Variants in RBFOX1 observed in about 807,000 individuals in gnomAD.
The protein encoded by RBFOX1 is RNA binding fox-1 homolog 1.
Under a neutral mutation model 57.7 loss-of-function variants are expected in RBFOX1, and 8 were observed. That is an observed-to-expected ratio of 0.14 (90% CI 0.08 to 0.25). The LOEUF (loss-of-function observed/expected upper bound fraction) is 0.25. Among genes scored for constraint, RBFOX1 ranks in the 10% least tolerant of loss-of-function variants. The pLI is 1.00. For missense variants in RBFOX1, 611 were observed against 548.5 expected (o/e 1.11, Z -1.14); for synonymous variants, 326 against 222.4 (o/e 1.47, Z -4.15).
chr16:5,745,021 G>A (rs2052921075), intron 3 of RBFOX1, among the ~76,000 whole-genome samples: 5 of 152,098 alleles, frequency 3.3e-5, no homozygotes, highest in Admixed American at 2.0e-4. Flanking sequence ...GTATACGTGT[G>A]CCCTGTTGGT....
intron 3 of RBFOX1, among the ~76,000 whole-genome samples, chr16:6,972,206 C>T (rs192940079): frequency 5.3e-5 from 8 of 152,210 alleles, no homozygotes; most frequent in Non-Finnish European, 7.4e-5. Context: ...GCTTTTTCAT[C>T]CTCTAAATCT....
At chr16:7,063,240 G>A (rs1056118169) in intron 4 of RBFOX1, among the ~76,000 whole-genome samples, 15 of 152,006 alleles carry the variant, frequency 9.9e-5, no homozygotes, top group African/African-American at 3.4e-4. Flanking sequence ...CAGGAAGAGA[G>A]GTCTGTGCTT....
chr16:7,521,991 C>T (rs569707438), intron 5 of RBFOX1, among the ~76,000 whole-genome samples: 7 of 152,292 alleles, frequency 4.6e-5, no homozygotes, highest in African/African-American at 1.7e-4. Context: ...GGATTCATCC[C>T]ATATAAGCCC....
At chr16:7,664,818 C>T (rs1350723473) in intron 12 of RBFOX1, 111 bp from the exon 13 acceptor site, 6 of 1,588,822 alleles carry the variant, frequency 3.8e-6, no homozygotes, top group Non-Finnish European at 5.2e-6. Flanking sequence ...ATCCTCGGTT[C>T]CTGTGTTTTG....
At chr16:6,540,811 A>G (rs1431526227) in intron 2 of RBFOX1, among the ~76,000 whole-genome samples, 1 of 152,102 alleles carries the variant, frequency 6.6e-6, no homozygotes, top group Non-Finnish European at 1.5e-5. Flanking sequence ...CTCTAGCTGT[A>G]CTTTTTTTTG....
At chr16:5,545,425 T>A (rs560573832) in intron 2 of RBFOX1, among the ~76,000 whole-genome samples, 133 of 152,238 alleles carry the variant, frequency 8.7e-4, no homozygotes, top group African/African-American at 3.1e-3. Context: ...GAAACTGAAG[T>A]CCAATATCTA....
intron 1 of RBFOX1, among the ~76,000 whole-genome samples, chr16:6,212,224 A>C (rs957045540): frequency 1.3e-5 from 2 of 152,184 alleles, no homozygotes; most frequent in South Asian, 2.1e-4. Flanking sequence ...CCTAATATAC[A>C]TTGTTAATTG....
intron 5 of RBFOX1, among the ~76,000 whole-genome samples, chr16:7,562,975 T>C (rs1007139781): frequency 2.0e-5 from 3 of 152,182 alleles, no homozygotes; most frequent in African/African-American, 7.2e-5. Flanking sequence ...TAGATGCCAT[T>C]AAGGGACTTG....
In RBFOX1 at chr16:7,188,969, A is replaced by C. The variant is rs1027999976; in HGVS notation, c.27+136871A>C. On this transcript the variant is annotated intron_variant, in intron 4 of 15. Transcript: ENST00000550418. The stretch of plus-strand genomic sequence containing the variant: ...TGCAGCCTGGGTAGCTTGATAAACC[A>C]CTCAAGGAAGGGTTGGTTCAAGAAC... 3.3e-5 allele frequency among the ~76,000 whole-genome samples: 5 copies of C among 152,142 alleles called. No individual in the cohort carries two copies. In the East Asian group the frequency reaches 9.6e-4, roughly 29 times the overall value.
At chr16:5,839,672 G>A (rs982767074) in intron 3 of RBFOX1, among the ~76,000 whole-genome samples, 1 of 152,156 alleles carries the variant, frequency 6.6e-6, no homozygotes, top group African/African-American at 2.4e-5. Flanking sequence ...TTACTTAACA[G>A]TTTTGCTTCA....
intron 3 of RBFOX1, among the ~76,000 whole-genome samples, chr16:6,748,368 C>G (rs1568448545): frequency 6.6e-6 from 1 of 151,942 alleles, no homozygotes; most frequent in African/African-American, 2.4e-5. Context: ...TGTATGAGCA[C>G]AAATTATTTG....
At chr16:7,358,141 GA>G in intron 4 of RBFOX1, among the ~76,000 whole-genome samples, 1 of 152,268 alleles carries the variant, frequency 6.6e-6, no homozygotes, top group East Asian at 1.9e-4. Flanking sequence ...ACTCACTCCA[GA>G]AAATAAATTG....
intron 4 of RBFOX1, among the ~76,000 whole-genome samples, chr16:7,239,952 G>A (rs1000556174): frequency 4.6e-5 from 7 of 152,182 alleles, no homozygotes; most frequent in Middle Eastern, 3.4e-3. Flanking sequence ...CTTCCTACCT[G>A]TTGAAACTAT....
At chr16:6,607,899 C>A (rs984320803) in intron 2 of RBFOX1, among the ~76,000 whole-genome samples, 10 of 152,130 alleles carry the variant, frequency 6.6e-5, no homozygotes, top group Non-Finnish European at 1.0e-4. Context: ...CTCCTTGTTT[C>A]TGGAGTTGGC....
chr16:7,237,726 G>A (rs1053563774), intron 4 of RBFOX1, among the ~76,000 whole-genome samples: 9 of 152,194 alleles, frequency 5.9e-5, no homozygotes, highest in South Asian at 4.1e-4. Context: ...GATTCTGGCC[G>A]ACTGTGTGGT....
intron 2 of RBFOX1, among the ~76,000 whole-genome samples, chr16:6,622,431 C>A (rs2098246469): frequency 6.6e-6 from 1 of 152,106 alleles, no homozygotes; most frequent in Non-Finnish European, 1.5e-5. Flanking sequence ...CAGTAACAAG[C>A]TGTACAGGCT....
chr16:6,624,031 A>G (rs72762950), intron 2 of RBFOX1, among the ~76,000 whole-genome samples: 34,850 of 152,084 alleles, frequency 0.23, 4,115 homozygotes, highest in Admixed American at 0.29. Flanking sequence ...GACTTCCACA[A>G]TGGTTGAACT....
rs187807919 is a variant in RBFOX1 at position 7,381,809 on chromosome 16, G to T, written c.28-136338G>T. 5.9e-5 allele frequency among the ~76,000 whole-genome samples: 9 copies of T among 152,192 alleles called. No individual in the cohort carries two copies. The Middle Eastern group carries it at 0.01, about 173-fold the overall frequency. ...GTTTCTCCACCTTGGCAGTGTGGAC[G>T]CTGGGCTGGATCATTCTCTATGTGG... is the stretch of plus-strand genomic sequence containing the variant. On this transcript the variant is annotated intron_variant, in intron 4 of 15. Transcript: ENST00000550418.
At chr16:5,394,244 A>G in intron 1 of RBFOX1, among the ~76,000 whole-genome samples, 1 of 151,986 alleles carries the variant, frequency 6.6e-6, no homozygotes, top group East Asian at 1.9e-4. Context: ...GGCTGATCTC[A>G]AACTCCTGAA....
Sources: allele counts gnomAD v4.1 joint callset (sites outside exome capture counted in the v4.1 genomes callset), GRCh38; gene constraint gnomAD v4.1.1; transcripts MANE v1.5; gene names NCBI Gene and HGNC (gene_info 2026-07-23, HGNC 2026-07-21).